Variants in ALK observed in about 807,000 individuals in gnomAD.
ALK encodes ALK receptor tyrosine kinase.
ALK carries 74 observed loss-of-function variants against 163.1 expected under a neutral mutation model. That is an observed-to-expected ratio of 0.45 (90% confidence interval 0.38 to 0.55). ALK has a LOEUF of 0.55. Among genes scored for constraint, ALK ranks in the 20% least tolerant of loss-of-function variants. The pLI is 0.00. For missense variants in ALK, 2,063 were observed against 2,105.3 expected (o/e 0.98, Z 0.39); for synonymous variants, 960 against 843.2 (o/e 1.14, Z -2.40).
intron 1 of ALK, among the ~76,000 whole-genome samples, chr2:29,816,259 A>C (rs183512417): frequency 7.2e-4 from 109 of 152,260 alleles, no homozygotes; most frequent in Middle Eastern, 3.4e-3. Flanking sequence ...ACAGAGGTTC[A>C]CCTGGGTGAG....
intron 4 of ALK, among the ~76,000 whole-genome samples, chr2:29,472,635 AAAATG>A (rs1671375303): frequency 6.6e-6 from 1 of 152,258 alleles, no homozygotes; most frequent in African/African-American, 2.4e-5. Flanking sequence ...GAAAAAAAAT[AAAATG>A]ATCAACTAGA....
At chr2:29,908,239 C>A (rs139113513) in intron 1 of ALK, among the ~76,000 whole-genome samples, 255 of 152,206 alleles carry the variant, frequency 1.7e-3, no homozygotes, top group Admixed American at 1.9e-3. Context: ...TCTGACCTAG[C>A]ACCTTAGAGC....
intron 3 of ALK, among the ~76,000 whole-genome samples, chr2:29,625,293 A>C (rs1441603285): frequency 6.6e-6 from 1 of 152,244 alleles, no homozygotes; most frequent in Non-Finnish European, 1.5e-5. Flanking sequence ...TTCAACTTCC[A>C]AATTAATTCT....
At chr2:29,357,249 T>G (rs561817347) in intron 5 of ALK, among the ~76,000 whole-genome samples, 68 of 152,310 alleles carry the variant, frequency 4.5e-4, no homozygotes, top group Admixed American at 4.2e-3. Flanking sequence ...CAGCAATGAT[T>G]AGTGGTGACA....
At chr2:29,420,796 G>T (rs757429676) in intron 4 of ALK, among the ~76,000 whole-genome samples, 3 of 151,464 alleles carry the variant, frequency 2.0e-5, no homozygotes, top group Non-Finnish European at 2.9e-5. Flanking sequence ...GTCTTGCTTT[G>T]CAAAAAGAAA....
chr2:29,301,832 T>C (rs1324087848), intron 8 of ALK, among the ~76,000 whole-genome samples: 1 of 152,216 alleles, frequency 6.6e-6, no homozygotes, highest in Non-Finnish European at 1.5e-5. Flanking sequence ...AGAACTGGAC[T>C]GGCCACCCAG....
In ALK at chr2:29,918,941, T is replaced by G. The variant is rs72857535; in HGVS notation, c.667+1052A>C. 9.5e-3 allele frequency among the ~76,000 whole-genome samples: 1,446 copies of G among 152,334 alleles called. 30 individuals carry two copies. The highest frequency in any genetic ancestry group is 0.032 in the African/African-American group (1,346 of 41,562). ...GCCTTTCTTATTCATTTACATTGTA[T>G]ATTTTATTCACAAGTCTTCCCCAGT... On this transcript the variant is annotated intron_variant, in intron 1 of 28. Coordinates refer to ENST00000389048, the MANE Select transcript of ALK (RefSeq NM_004304.5).
chr2:29,733,627 G>A (rs140458225), intron 1 of ALK, among the ~76,000 whole-genome samples: 1 of 152,344 alleles, frequency 6.6e-6, no homozygotes, highest in East Asian at 1.9e-4. Context: ...CCTAGCTAGA[G>A]TAAGTGTTCA....
rs55793959 is a variant in ALK, at chr2:29,322,063, C to T, written c.1415-1181G>A. On this transcript the variant is annotated intron_variant, in intron 6 of 28. Transcript: ENST00000389048. ...TAAGGAGCTAGTGGCCTATTCCAGGCGATTCTGATGGCCCCCAACACCTCC... is the reference window on the plus strand; with the variant it reads ...TAAGGAGCTAGTGGCCTATTCCAGGTGATTCTGATGGCCCCCAACACCTCC... Among the ~76,000 whole-genome samples the T allele has an allele frequency of 8.1e-3, 1,240 of 152,326 alleles. 28 individuals are homozygous for T. Among genetic ancestry groups the T allele is most frequent in the African/African-American group, 0.027 (1,131 of 41,572 alleles).
At chr2:29,511,947 T>G (rs1672532177) in intron 4 of ALK, among the ~76,000 whole-genome samples, 1 of 152,146 alleles carries the variant, frequency 6.6e-6, no homozygotes, top group Admixed American at 6.5e-5. Flanking sequence ...CTTAATTGGG[T>G]GGGTACAAGT....
In ALK at chr2:29,797,011, C is replaced by CACACACACACACACACAT. The variant is rs1664333593; in HGVS notation, c.668-79332_668-79315dup. Among the ~76,000 whole-genome samples, 3 of 151,694 alleles carry CACACACACACACACACAT rather than the reference C, an allele frequency of 2.0e-5. No homozygotes were observed. The South Asian group carries it at 6.3e-4, about 32-fold the overall frequency. On this transcript the variant is annotated intron_variant, in intron 1 of 28. Transcript: ENST00000389048. ...ATATGCACGCACACCCACACACACA[C>CACACACACACACACACAT]ACACACACACACACACATACACACA...
chr2:29,920,751 T>A lies in ALK; in HGVS notation c.-92A>T. ...GGAAGAGGCTCTGAACAGTCCTTGG[T>A]ACCCAGCGGCTCCTTCCACCTGATC... On this transcript the variant is annotated 5_prime_UTR_variant, in exon 1 of 29. Transcript: ENST00000389048. The A allele has an allele frequency of 8.4e-7, 1 of 1,191,424 alleles. No individual in the cohort carries two copies. The highest frequency in any genetic ancestry group is 1.2e-6 in the Non-Finnish European group (1 of 846,530). The allele number at this position is 1,191,424 out of a possible 1,614,324, so 73.8% of individuals were successfully genotyped here.
At chr2:29,593,198 G>A (rs950545100) in intron 3 of ALK, among the ~76,000 whole-genome samples, 17 of 152,158 alleles carry the variant, frequency 1.1e-4, no homozygotes, top group African/African-American at 3.6e-4. Context: ...TGAAGCCAAC[G>A]TAACATTGGT....
At chr2:29,584,068 G>T (rs1456905080) in intron 3 of ALK, among the ~76,000 whole-genome samples, 1 of 152,130 alleles carries the variant, frequency 6.6e-6, no homozygotes, top group African/African-American at 2.4e-5. Flanking sequence ...GCCAAATGGG[G>T]TAGGGTAAGT....
At chr2:29,771,401 A>T (rs1681018867) in intron 1 of ALK, among the ~76,000 whole-genome samples, 1 of 152,244 alleles carries the variant, frequency 6.6e-6, no homozygotes, top group Non-Finnish European at 1.5e-5. Flanking sequence ...GAGAAAGATA[A>T]AACATACCCC....
At chr2:29,275,643 A>G in intron 9 of ALK, 147 bp from the exon 10 acceptor site, 1 of 772,222 alleles carries the variant, frequency 1.3e-6, no homozygotes, top group Non-Finnish European at 2.2e-6. Context: ...GCGAGAGAAG[A>G]GCAGTCAGCT....
intron 1 of ALK, among the ~76,000 whole-genome samples, chr2:29,914,464 G>C (rs536573800): frequency 6.6e-6 from 1 of 152,314 alleles, no homozygotes; most frequent in African/African-American, 2.4e-5. Context: ...TGCACAGCCT[G>C]CATGACCAGA....
rs867331828 is a variant in ALK, at chr2:29,612,653, C to A, written c.953-80537G>T. Among the ~76,000 whole-genome samples, 7 of 152,288 alleles carry A rather than the reference C, an allele frequency of 4.6e-5. No homozygotes were observed. The South Asian group carries it at 1.0e-3, about 23-fold the overall frequency. ...TTTTCACCTGGCCCCTAGCCCTGAA[C>A]GATCGCCCTCCTGTTGAGGAGTCTG... On this transcript the variant is annotated intron_variant, in intron 3 of 28. Transcript: ENST00000389048.
intron 3 of ALK, among the ~76,000 whole-genome samples, chr2:29,636,050 A>C (rs1313452929): frequency 1.3e-5 from 2 of 152,200 alleles, no homozygotes; most frequent in African/African-American, 4.8e-5. Flanking sequence ...GTGAAAAAGG[A>C]ACTAGAATAG....
Sources: allele counts gnomAD v4.1 joint callset (sites outside exome capture counted in the v4.1 genomes callset), GRCh38; gene constraint gnomAD v4.1.1; transcripts MANE v1.5; gene names NCBI Gene and HGNC (gene_info 2026-07-23, HGNC 2026-07-21).